Variants in COL6A6 observed in about 807,000 individuals in gnomAD.
COL6A6 encodes the protein collagen type VI alpha 6 chain.
COL6A6 carries 183 observed loss-of-function variants against 208.6 expected under a neutral mutation model. The ratio of observed to expected loss-of-function variants is 0.88; its 90% CI spans 0.78 to 0.99. The LOEUF (loss-of-function observed/expected upper bound fraction) is 0.99. Among genes scored for constraint, COL6A6 ranks in the 50% least tolerant of loss-of-function variants. The pLI is 0.00. For synonymous variants in COL6A6, 973 were observed against 1,011.8 expected (o/e 0.96, Z 0.73); for missense variants, 2,816 against 2,815.2 (o/e 1.00, Z -0.01).
At chr3:130,551,068 A>G (rs1451722918) in intron 1 of COL6A6, among the ~76,000 whole-genome samples, 1 of 150,902 alleles carries the variant, frequency 6.6e-6, no homozygotes, top group African/African-American at 2.4e-5. Context: ...GTTTGCTAGT[A>G]TTTTGTTGAC....
At chr3:130,664,172 C>T (rs1028984850) in intron 35 of COL6A6, among the ~76,000 whole-genome samples, 1 of 152,206 alleles carries the variant, frequency 6.6e-6, no homozygotes, top group Non-Finnish European at 1.5e-5. Flanking sequence ...AAAATCAACA[C>T]ATTTTCTAAG....
At chr3:130,645,857 A>G (rs533063272) in intron 32 of COL6A6, among the ~76,000 whole-genome samples, 56 of 152,286 alleles carry the variant, frequency 3.7e-4, no homozygotes, top group Admixed American at 9.2e-4. Flanking sequence ...CCTCTTATAC[A>G]TTTATACACT....
chr3:130,574,588 G>T (rs1044343760), intron 8 of COL6A6, 63 bp downstream of exon 8: 1 of 1,380,562 alleles, frequency 7.2e-7, no homozygotes, highest in African/African-American at 1.4e-5. Context: ...TTTTCTTCCA[G>T]CTCCATTGTC....
At position 130,547,871 on chromosome 3, in the gene COL6A6, C is replaced by T. The variant is rs1269334247; in HGVS notation, c.-31-12463C>T. On this transcript the variant is annotated intron_variant, in intron 1 of 36. Transcript: ENST00000358511. ...GGAGGGCAGCGGTGCCGTCTCGGCT[C>T]GCTGCAACCTTCGCCTCCCGGGTTC... Among the ~76,000 whole-genome samples, 9 of 152,292 alleles carry T rather than the reference C, an allele frequency of 5.9e-5. 1 individual carries two copies. The highest frequency in any genetic ancestry group is 1.4e-4 in the African/African-American group (6 of 41,576).
intron 31 of COL6A6, 109 bp from the exon 32 acceptor site, chr3:130,644,882 T>C: frequency 1.0e-6 from 1 of 962,150 alleles, no homozygotes; most frequent in Non-Finnish European, 1.7e-6. Flanking sequence ...CCTTGATTTT[T>C]GAGTCATCTA....
Position 130,589,130 on chromosome 3 carries a change from A to G in COL6A6, c.4166A>G (p.Lys1389Arg), listed in dbSNP as rs370001663. The change falls in exon 12 of 37, where the codon AAG (lysine) becomes AGG (arginine). Residue 1389 changes from lysine to arginine, a missense_variant. Coordinates refer to ENST00000358511, the MANE Select transcript of COL6A6 (RefSeq NM_001102608.3). ...AGGACATGCTGCTGTTTGTTCTGCA[A>G]GTGCATTGGAGGAGATGGCACAATG... Reference protein sequence around the residue: ...AERTCCCLFCKCIGGDGTMGD... With the variant: ...AERTCCCLFCRCIGGDGTMGD... 6.2e-7 allele frequency: 1 copy of G among 1,613,812 alleles called. No homozygotes were observed. The highest frequency in any genetic ancestry group is 1.3e-5 in the African/African-American group (1 of 74,930).
chr3:130,600,778 AGATGAACAGTTGATAG>A lies in COL6A6; in HGVS notation c.4653+970_4653+985del, dbSNP rs552295225. Among the ~76,000 whole-genome samples, 40 of 152,324 alleles carry A rather than the reference AGATGAACAGTTGATAG, an allele frequency of 2.6e-4. No individual in the cohort carries two copies. In the South Asian group the frequency reaches 8.1e-3, roughly 31 times the overall value. ...CTAATGCATGTGGGGCATAAAACCTAGATGAACAGTTGATAGGTGCAGCAAACATGGCACACATACA... is the reference window on the plus strand; with the variant it reads ...CTAATGCATGTGGGGCATAAAACCTAGTGCAGCAAACATGGCACACATACA... On this transcript the variant is annotated intron_variant, in intron 20 of 36. Coordinates refer to ENST00000358511, the MANE Select transcript of COL6A6 (RefSeq NM_001102608.3).
chr3:130,635,744 G>A lies in COL6A6; in HGVS notation c.5074G>A (p.Gly1692Arg). 1.2e-6 allele frequency: 2 copies of A among 1,612,286 alleles called. No homozygotes were observed. Among genetic ancestry groups the A allele is most frequent in the Non-Finnish European group, 1.7e-6 (2 of 1,178,580 alleles). The part of the protein sequence containing the change: ...PGGPGETGLK[G>R]ARGKMISAGL... ...TGGTCCAGGAGAGACTGGGCTGAAG[G>A]GAGCTAGAGGCAAAATGGTAAGCTT... is the stretch of plus-strand genomic sequence containing the variant. Residue 1692 changes from glycine (G) to arginine (R), a missense_variant, in exon 28 of 37, where the codon GGA becomes AGA. By Grantham distance (125) the Gly-to-Arg change is moderately radical. Coordinates refer to ENST00000358511, the MANE Select transcript of COL6A6 (RefSeq NM_001102608.3).
intron 23 of COL6A6, among the ~76,000 whole-genome samples, chr3:130,612,928 T>G (rs917015207): frequency 6.6e-6 from 1 of 152,236 alleles, no homozygotes; most frequent in African/African-American, 2.4e-5. Flanking sequence ...ATCAGACATT[T>G]GTTGGATATA....
At chr3:130,570,050 T>A (rs986062225) in intron 6 of COL6A6, among the ~76,000 whole-genome samples, 1 of 152,230 alleles carries the variant, frequency 6.6e-6, no homozygotes, top group Non-Finnish European at 1.5e-5. Flanking sequence ...ACAAACCATC[T>A]TACAATTCCC....
chr3:130,529,396 G>C (rs1160542889), intron 1 of COL6A6, among the ~76,000 whole-genome samples: 1 of 151,896 alleles, frequency 6.6e-6, no homozygotes, highest in Non-Finnish European at 1.5e-5. Context: ...TCTGAATTCA[G>C]GAAATATGGT....
At chr3:130,669,829 T>C (rs1979519) in intron 36 of COL6A6, among the ~76,000 whole-genome samples, 1 of 98,820 alleles carries the variant, frequency 1.0e-5, no homozygotes, top group Admixed American at 1.3e-4. Flanking sequence ...TAGAAATAAG[T>C]GAAATCAAAT....
At chr3:130,589,972 A>G (rs768636192) in intron 12 of COL6A6, 102 of 444,578 alleles carry the variant, frequency 2.3e-4, no homozygotes, top group Non-Finnish European at 3.7e-4. Flanking sequence ...TGAATGTTTC[A>G]GCTTCATGTA....
chr3:130,622,597 C>T (rs1046107162), intron 24 of COL6A6, among the ~76,000 whole-genome samples: 4 of 152,064 alleles, frequency 2.6e-5, no homozygotes, highest in Non-Finnish European at 5.9e-5. Flanking sequence ...GTGGCTCACG[C>T]CTGTAATCCT....
At chr3:130,592,794 A>T in intron 15 of COL6A6, 72 bp downstream of exon 15, 1 of 1,371,762 alleles carries the variant, frequency 7.3e-7, no homozygotes, top group Non-Finnish European at 1.0e-6. Flanking sequence ...GAGATTATTT[A>T]TCAGTAAATT....
At chr3:130,529,734 G>C (rs1202458255) in intron 1 of COL6A6, among the ~76,000 whole-genome samples, 1 of 152,180 alleles carries the variant, frequency 6.6e-6, no homozygotes, top group African/African-American at 2.4e-5. Context: ...GTAGTCCTTA[G>C]TGAGGTTCTC....
chr3:130,540,877 T>C (rs925115479), intron 1 of COL6A6, among the ~76,000 whole-genome samples: 1 of 152,234 alleles, frequency 6.6e-6, no homozygotes, highest in Non-Finnish European at 1.5e-5. Context: ...ATGGTGTATA[T>C]GTACCAGTTC....
intron 28 of COL6A6, among the ~76,000 whole-genome samples, chr3:130,641,270 G>C (rs1481157679): frequency 1.3e-5 from 2 of 151,256 alleles, no homozygotes. Flanking sequence ...GTACAACCAT[G>C]TGATGGGATA....
intron 10 of COL6A6, among the ~76,000 whole-genome samples, chr3:130,586,080 A>C (rs1239519271): frequency 6.6e-6 from 1 of 152,176 alleles, no homozygotes; most frequent in African/African-American, 2.4e-5. Context: ...TCAGCCTCCC[A>C]TGTAGCTGGG....
Sources: gnomAD v4.1 joint callset for allele counts (sites outside exome capture counted in the v4.1 genomes callset) on GRCh38, gnomAD v4.1.1 for gene constraint, MANE v1.5 for transcripts, NCBI Gene and HGNC (gene_info 2026-07-23, HGNC 2026-07-21) for gene names.